KSR2: variants seen among roughly 807,000 people sequenced by gnomAD.
KSR2 encodes the protein kinase suppressor of ras 2.
A neutral mutation model predicts 107.8 loss-of-function variants in KSR2; 25 were observed. The observed-to-expected ratio is 0.23, with a 90% CI of 0.17 to 0.32. The LOEUF (loss-of-function observed/expected upper bound fraction) is 0.32, where lower values mean the gene tolerates loss of function less well. Among genes scored for constraint, KSR2 ranks in the 10% least tolerant of loss-of-function variants. The probability of loss-of-function intolerance (pLI) is 1.00; values close to 1 mark genes in which losing one functional copy is unlikely to be tolerated. For missense variants in KSR2, 887 were observed against 1,268.9 expected (o/e 0.70, Z 4.57); for synonymous variants, 480 against 507.0 (o/e 0.95, Z 0.71).
At chr12:117,778,832 G>T (rs1055419381) in intron 3 of KSR2, among the ~76,000 whole-genome samples, 11 of 152,204 alleles carry the variant, frequency 7.2e-5, no homozygotes, top group African/African-American at 1.9e-4. Context: ...ACCCTTTGTT[G>T]TTCTATTGCT....
chr12:117,813,052 A>T (rs947264300), intron 3 of KSR2, among the ~76,000 whole-genome samples: 11 of 152,238 alleles, frequency 7.2e-5, no homozygotes, highest in African/African-American at 2.6e-4. Context: ...GATTTTGACA[A>T]AGGTGTCAAA....
chr12:117,743,614 T>C (rs960522014), intron 4 of KSR2, among the ~76,000 whole-genome samples: 2 of 152,236 alleles, frequency 1.3e-5, no homozygotes, highest in African/African-American at 4.8e-5. Flanking sequence ...ATGATCTCTA[T>C]CTTGCAGAGA....
At chr12:117,699,342 C>A (rs555720164) in intron 4 of KSR2, among the ~76,000 whole-genome samples, 11 of 152,294 alleles carry the variant, frequency 7.2e-5, no homozygotes, top group Admixed American at 6.5e-4. Context: ...CTCCCAGCAG[C>A]CCAATAAAGT....
chr12:117,671,769 A>C (rs551039322), intron 4 of KSR2, among the ~76,000 whole-genome samples: 2 of 152,328 alleles, frequency 1.3e-5, no homozygotes, highest in East Asian at 3.9e-4. Flanking sequence ...GCTGCATCCA[A>C]AAGGAATCTC....
intron 4 of KSR2, among the ~76,000 whole-genome samples, chr12:117,733,724 C>T (rs1887822510): frequency 6.6e-6 from 1 of 152,136 alleles, no homozygotes; most frequent in Non-Finnish European, 1.5e-5. Flanking sequence ...CTTACTTCCC[C>T]TACCCCAGCC....
chr12:117,688,040 G>A (rs1252431160), intron 4 of KSR2, among the ~76,000 whole-genome samples: 1 of 151,936 alleles, frequency 6.6e-6, no homozygotes, highest in Non-Finnish European at 1.5e-5. Flanking sequence ...CAAAGATCTC[G>A]TCTCTAACGT....
chr12:117,719,823 C>G (rs141279462), intron 4 of KSR2, among the ~76,000 whole-genome samples: 2 of 152,210 alleles, frequency 1.3e-5, no homozygotes, highest in Non-Finnish European at 2.9e-5. Flanking sequence ...CTCCTTCAAA[C>G]ATTGGTCTTG....
intron 12 of KSR2, among the ~76,000 whole-genome samples, chr12:117,530,499 G>A (rs971072565): frequency 3.3e-5 from 5 of 152,154 alleles, no homozygotes; most frequent in Admixed American, 3.3e-4. Context: ...TGTCCCATGG[G>A]CTATAGTTTG....
At chr12:117,623,446 T>A (rs976268634) in intron 5 of KSR2, among the ~76,000 whole-genome samples, 1 of 152,198 alleles carries the variant, frequency 6.6e-6, no homozygotes, top group Non-Finnish European at 1.5e-5. Flanking sequence ...ATCTCATTGG[T>A]CAGGTCCTGC....
chr12:117,822,736 C>A (rs1038803942), intron 3 of KSR2, among the ~76,000 whole-genome samples: 3 of 152,138 alleles, frequency 2.0e-5, no homozygotes, highest in African/African-American at 7.2e-5. Flanking sequence ...GGCTCAGGAT[C>A]ATGAGAGAGT....
At chr12:117,483,410 G>A (rs1218764824) in intron 16 of KSR2, among the ~76,000 whole-genome samples, 4 of 151,894 alleles carry the variant, frequency 2.6e-5, no homozygotes, top group African/African-American at 9.7e-5. Flanking sequence ...AAAAATCAGT[G>A]GTTCTCAAAA....
chr12:117,735,334 C>T (rs1976500), intron 4 of KSR2, among the ~76,000 whole-genome samples: 42,697 of 152,066 alleles, frequency 0.28, 6,152 homozygotes, highest in East Asian at 0.45. Flanking sequence ...AATTTGGCAA[C>T]CAAGTGACAT....
intron 5 of KSR2, among the ~76,000 whole-genome samples, chr12:117,623,225 C>A (rs960610052): frequency 6.6e-6 from 1 of 151,996 alleles, no homozygotes; most frequent in Non-Finnish European, 1.5e-5. Context: ...CTTATTTATG[C>A]CTTTGGGTTT....
At chr12:117,940,731 GGTAT>G (rs1402917709) in intron 1 of KSR2, among the ~76,000 whole-genome samples, 4 of 152,170 alleles carry the variant, frequency 2.6e-5, no homozygotes, top group African/African-American at 9.7e-5. Flanking sequence ...CCAACCTACG[GGTAT>G]GTATTTTTAA....
chr12:117,546,882 T>C (rs1280095438), intron 9 of KSR2, among the ~76,000 whole-genome samples: 2 of 152,258 alleles, frequency 1.3e-5, no homozygotes, highest in Non-Finnish European at 2.9e-5. Context: ...GGACTTCTTA[T>C]GTTTTCATTA....
intron 19 of KSR2, among the ~76,000 whole-genome samples, chr12:117,469,058 G>C (rs1871289765): frequency 6.6e-6 from 1 of 152,130 alleles, no homozygotes; most frequent in Non-Finnish European, 1.5e-5. Flanking sequence ...TGGAAGCTGG[G>C]GCTGTCGAGA....
intron 14 of KSR2, among the ~76,000 whole-genome samples, chr12:117,502,658 T>C (rs1780242219): frequency 6.6e-6 from 1 of 152,126 alleles, no homozygotes; most frequent in Non-Finnish European, 1.5e-5. Flanking sequence ...GTGACTAAAC[T>C]TTAGGGTATA....
intron 5 of KSR2, among the ~76,000 whole-genome samples, chr12:117,651,034 C>G (rs935973664): frequency 6.6e-6 from 1 of 152,146 alleles, no homozygotes; most frequent in African/African-American, 2.4e-5. Flanking sequence ...AAATGAGACC[C>G]TGAAATTTGG....
intron 3 of KSR2, among the ~76,000 whole-genome samples, chr12:117,768,526 G>A (rs78161119): frequency 2.8e-3 from 429 of 152,280 alleles, no homozygotes; most frequent in Middle Eastern, 0.01. Context: ...CGGCTCAACA[G>A]GGCTCCTGTG....
Sources: gnomAD v4.1 joint callset for allele counts (sites outside exome capture counted in the v4.1 genomes callset) on GRCh38, gnomAD v4.1.1 for gene constraint, MANE v1.5 for transcripts, NCBI Gene and HGNC (gene_info 2026-07-23, HGNC 2026-07-21) for gene names.